B3GALT1: variants seen among roughly 807,000 people sequenced by gnomAD.
B3GALT1 encodes beta-1,3-galactosyltransferase 1.
A neutral mutation model predicts 23.2 loss-of-function variants in B3GALT1; 10 were observed. That is an observed-to-expected ratio of 0.43 (90% confidence interval 0.27 to 0.73). The LOEUF (loss-of-function observed/expected upper bound fraction) is 0.73. Ranked by LOEUF, B3GALT1 falls within the 30% of genes least tolerant of loss-of-function variation. The pLI is 0.21. For synonymous variants in B3GALT1, 156 were observed against 141.5 expected (o/e 1.10, Z -0.73); for missense variants, 299 against 405.4 (o/e 0.74, Z 2.25).
intron 3 of B3GALT1, among the ~76,000 whole-genome samples, chr2:167,676,911 T>G (rs67255971): frequency 0.097 from 14,724 of 152,248 alleles, 1,714 homozygotes; most frequent in African/African-American, 0.25. Context: ...ACTAAGTAAC[T>G]AAACAAGTAC....
chr2:167,443,852 CCTTT>C (rs1368320065), intron 1 of B3GALT1, among the ~76,000 whole-genome samples: 5 of 152,100 alleles, frequency 3.3e-5, no homozygotes, highest in African/African-American at 1.2e-4. Context: ...AATTGAATAT[CCTTT>C]CTTTCTTTCT....
chr2:167,771,377 G>A (rs1342304368), intron 3 of B3GALT1, among the ~76,000 whole-genome samples: 1 of 152,130 alleles, frequency 6.6e-6, no homozygotes, highest in Admixed American at 6.5e-5. Flanking sequence ...CTCACTTGAG[G>A]TCAACAGTTT....
At chr2:167,395,175 T>C (rs2617384) in intron 1 of B3GALT1, among the ~76,000 whole-genome samples, 149,416 of 152,194 alleles carry the variant, frequency 0.98, 73,405 homozygotes, top group Middle Eastern at 1. Context: ...TATAAATCTT[T>C]GAGGGCCAGC....
chr2:167,838,473 C>A (rs1467553630), intron 4 of B3GALT1, among the ~76,000 whole-genome samples: 1 of 152,284 alleles, frequency 6.6e-6, no homozygotes. Flanking sequence ...CAAGACTAAA[C>A]CAGGAAGAAG....
At chr2:167,717,306 T>C (rs1351072366) in intron 3 of B3GALT1, among the ~76,000 whole-genome samples, 1 of 150,686 alleles carries the variant, frequency 6.6e-6, no homozygotes, top group Middle Eastern at 3.2e-3. Context: ...TTTTTTTTTA[T>C]ACTTTTAAGT....
At chr2:167,464,172 T>TA (rs1304431017) in intron 1 of B3GALT1, among the ~76,000 whole-genome samples, 12 of 151,298 alleles carry the variant, frequency 7.9e-5, no homozygotes, top group Non-Finnish European at 1.5e-4. Flanking sequence ...TTTTTTTTTT[T>TA]TAAAAAAGGA....
At chr2:167,339,654 C>G (rs1169549795) in intron 1 of B3GALT1, among the ~76,000 whole-genome samples, 2 of 151,954 alleles carry the variant, frequency 1.3e-5, no homozygotes, top group Non-Finnish European at 2.9e-5. Flanking sequence ...TTTTGCTAGT[C>G]TAACATAAGC....
rs771592761 is a variant in B3GALT1 at position 167,639,989 on chromosome 2, AAAATTATTTTAAG to A, written c.-409-6918_-409-6906del. The stretch of plus-strand genomic sequence containing the variant: ...ACACATTGTAATTTGAGATGCTAAG[AAAATTATTTTAAG>A]ATTAAATGATGGATTTGAATATTAT... On this transcript the variant is annotated intron_variant, in intron 2 of 4. Coordinates refer to ENST00000392690, the MANE Select transcript of B3GALT1 (RefSeq NM_020981.4). 9.4e-4 allele frequency among the ~76,000 whole-genome samples: 143 copies of A among 152,246 alleles called. 1 individual carries two copies. The highest frequency in any genetic ancestry group is 2.9e-4 in the Non-Finnish European group (20 of 68,018).
At chr2:167,415,439 C>G (rs938135846) in intron 1 of B3GALT1, among the ~76,000 whole-genome samples, 1 of 152,070 alleles carries the variant, frequency 6.6e-6, no homozygotes, top group Non-Finnish European at 1.5e-5. Context: ...ATAAATTACC[C>G]AGTTTCAAAT....
chr2:167,569,221 A>G (rs1278331951), intron 2 of B3GALT1, among the ~76,000 whole-genome samples: 3 of 151,874 alleles, frequency 2.0e-5, no homozygotes, highest in East Asian at 1.9e-4. Flanking sequence ...GCCTCCCCAT[A>G]TAAATAGTAA....
intron 1 of B3GALT1, among the ~76,000 whole-genome samples, chr2:167,440,396 A>G (rs1261241835): frequency 6.6e-6 from 1 of 151,818 alleles, no homozygotes; most frequent in Non-Finnish European, 1.5e-5. Flanking sequence ...AAACCCTAAC[A>G]TTTTGAAACT....
intron 1 of B3GALT1, among the ~76,000 whole-genome samples, chr2:167,396,966 T>G (rs1273572386): frequency 1.3e-5 from 2 of 151,996 alleles, no homozygotes; most frequent in Non-Finnish European, 2.9e-5. Flanking sequence ...TTAAGAGAAG[T>G]TTTTCAAATA....
At chr2:167,559,645 C>T (rs1037115939) in intron 2 of B3GALT1, among the ~76,000 whole-genome samples, 1 of 152,122 alleles carries the variant, frequency 6.6e-6, no homozygotes, top group African/African-American at 2.4e-5. Context: ...GGCTCGAGAA[C>T]TACGTGAAGA....
intron 1 of B3GALT1, among the ~76,000 whole-genome samples, chr2:167,356,786 A>G (rs901056620): frequency 9.2e-5 from 14 of 151,876 alleles, no homozygotes; most frequent in African/African-American, 2.7e-4. Context: ...TTAAATATAT[A>G]TAGTAATTAA....
At chr2:167,697,160 A>G (rs1456286118) in intron 3 of B3GALT1, among the ~76,000 whole-genome samples, 1 of 152,218 alleles carries the variant, frequency 6.6e-6, no homozygotes, top group East Asian at 1.9e-4. Context: ...TATTATATAG[A>G]AATAACTATG....
At chr2:167,835,278 T>A (rs1162356167) in intron 4 of B3GALT1, among the ~76,000 whole-genome samples, 3 of 152,088 alleles carry the variant, frequency 2.0e-5, no homozygotes, top group African/African-American at 7.2e-5. Flanking sequence ...CCTTTCCTAG[T>A]CAAAGAAAGG....
At chr2:167,669,047 A>G (rs1424851400) in intron 3 of B3GALT1, among the ~76,000 whole-genome samples, 1 of 151,836 alleles carries the variant, frequency 6.6e-6, no homozygotes, top group Non-Finnish European at 1.5e-5. Flanking sequence ...TCCCCATTCT[A>G]CTGCCTTTCT....
At chr2:167,800,247 A>T (rs933258303) in intron 3 of B3GALT1, among the ~76,000 whole-genome samples, 4 of 152,242 alleles carry the variant, frequency 2.6e-5, no homozygotes, top group African/African-American at 9.6e-5. Context: ...GAGGAGAAAC[A>T]TGGAACATAC....
chr2:167,304,815 G>A (rs997152395), intron 1 of B3GALT1, among the ~76,000 whole-genome samples: 10 of 152,092 alleles, frequency 6.6e-5, no homozygotes, highest in African/African-American at 1.4e-4. Context: ...TAGGAAAGCT[G>A]GTAGTATTCA....
Sources: allele counts gnomAD v4.1 joint callset (sites outside exome capture counted in the v4.1 genomes callset), GRCh38; gene constraint gnomAD v4.1.1; transcripts MANE v1.5; gene names NCBI Gene and HGNC (gene_info 2026-07-23, HGNC 2026-07-21).